LGR5: variants seen among roughly 807,000 people sequenced by gnomAD.
The protein encoded by LGR5 is leucine rich repeat containing G protein-coupled receptor 5.
In LGR5, 54 loss-of-function variants were observed where a neutral mutation model predicts 76.7. The observed-to-expected ratio is 0.70, with a 90% confidence interval of 0.57 to 0.88. The LOEUF (loss-of-function observed/expected upper bound fraction) is 0.88. Among genes scored for constraint, LGR5 ranks in the 40% least tolerant of loss-of-function variants. LGR5 has a pLI of 0.00. For synonymous variants in LGR5, 406 were observed against 421.9 expected, an observed-to-expected ratio of 0.96 and a Z score of 0.46; for missense variants, 1,078 against 1,073.3, an observed-to-expected ratio of 1.00 and a Z score of -0.06.
At chr12:71,515,877 A>G (rs17227194) in intron 2 of LGR5, among the ~76,000 whole-genome samples, 7,639 of 152,320 alleles carry the variant, frequency 0.05, 247 homozygotes, top group Non-Finnish European at 0.074. Context: ...CACTGCTATT[A>G]CATGGCTTCC....
At chr12:71,532,796 ATTTT>A (rs34973486) in intron 3 of LGR5, among the ~76,000 whole-genome samples, 1 of 146,178 alleles carries the variant, frequency 6.8e-6, no homozygotes, top group South Asian at 2.2e-4. Flanking sequence ...TCAAATGAAG[ATTTT>A]TTTTTTTTTT....
intron 1 of LGR5, among the ~76,000 whole-genome samples, chr12:71,492,798 T>C (rs17814943): frequency 0.094 from 13,793 of 146,086 alleles, 889 homozygotes; most frequent in Non-Finnish European, 0.11. Flanking sequence ...AGTTATGATA[T>C]GCATGAAGAG....
chr12:71,528,632 A>G (rs146360770), intron 3 of LGR5, among the ~76,000 whole-genome samples: 1 of 152,332 alleles, frequency 6.6e-6, no homozygotes, highest in African/African-American at 2.4e-5. Context: ...TTTCATCAAC[A>G]AAGTTTGCTT....
At chr12:71,459,214 G>A (rs1872599850) in intron 1 of LGR5, among the ~76,000 whole-genome samples, 1 of 152,098 alleles carries the variant, frequency 6.6e-6, no homozygotes, top group African/African-American at 2.4e-5. Context: ...GCACTCTGCA[G>A]TTGTGTTCTG....
intron 2 of LGR5, 23 bp from the exon 3 acceptor site, chr12:71,524,383 C>T: frequency 6.3e-7 from 1 of 1,577,072 alleles, no homozygotes; most frequent in Non-Finnish European, 8.7e-7. Flanking sequence ...CTCACTCTCT[C>T]TCCTCTCCAT....
chr12:71,521,379 C>A (rs1422070812), intron 2 of LGR5, among the ~76,000 whole-genome samples: 2 of 152,160 alleles, frequency 1.3e-5, no homozygotes, highest in East Asian at 3.9e-4. Context: ...AGCTCAGTTC[C>A]ACAGGGTCAT....
chr12:71,480,185 G>A (rs1450288000), intron 1 of LGR5, among the ~76,000 whole-genome samples: 2 of 151,864 alleles, frequency 1.3e-5, no homozygotes, highest in African/African-American at 4.8e-5. Flanking sequence ...CCAACATGAC[G>A]AAACCCCGTC....
At chr12:71,481,170 C>T (rs749220601) in intron 1 of LGR5, among the ~76,000 whole-genome samples, 2 of 152,128 alleles carry the variant, frequency 1.3e-5, no homozygotes, top group Non-Finnish European at 2.9e-5. Flanking sequence ...TGGTGGTTTG[C>T]TGCACCTATC....
intron 1 of LGR5, among the ~76,000 whole-genome samples, chr12:71,461,853 C>T (rs539139004): frequency 1.3e-5 from 2 of 152,240 alleles, no homozygotes; most frequent in South Asian, 2.1e-4. Flanking sequence ...GGACCACTCT[C>T]CAGCATTGCA....
intron 1 of LGR5, among the ~76,000 whole-genome samples, chr12:71,461,772 C>G (rs1018429613): frequency 1.3e-5 from 2 of 152,128 alleles, no homozygotes; most frequent in African/African-American, 4.8e-5. Flanking sequence ...TTAAATCACT[C>G]TGTCTTAAAT....
At chr12:71,488,004 T>C (rs1873909593) in intron 1 of LGR5, among the ~76,000 whole-genome samples, 1 of 152,196 alleles carries the variant, frequency 6.6e-6, no homozygotes, top group Non-Finnish European at 1.5e-5. Flanking sequence ...ACCAAGCTTT[T>C]TTAGAAAGCC....
intron 13 of LGR5, among the ~76,000 whole-genome samples, chr12:71,575,603 C>T (rs1165379052): frequency 6.6e-5 from 10 of 151,906 alleles, no homozygotes; most frequent in Non-Finnish European, 1.3e-4. Context: ...CCCAGCTACT[C>T]GGGAGGCTGA....
chr12:71,461,414 A>G (rs1306201572), intron 1 of LGR5, among the ~76,000 whole-genome samples: 1 of 152,172 alleles, frequency 6.6e-6, no homozygotes, highest in African/African-American at 2.4e-5. Flanking sequence ...AAATTTGCTA[A>G]CTTGGCATTT....
intron 17 of LGR5, 193 bp from the exon 18 acceptor site, chr12:71,583,454 C>T: frequency 1.6e-6 from 1 of 626,840 alleles, no homozygotes. Context: ...GGTGTACTCA[C>T]CCAGCCAGTG....
At chr12:71,564,582 T>C (rs559846082) in intron 8 of LGR5, among the ~76,000 whole-genome samples, 9 of 138,536 alleles carry the variant, frequency 6.5e-5, no homozygotes, top group African/African-American at 2.2e-4. Context: ...TATGCATATA[T>C]ACGTATCTGT....
At chr12:71,454,829 C>T (rs2137216140) in intron 1 of LGR5, among the ~76,000 whole-genome samples, 1 of 148,628 alleles carries the variant, frequency 6.7e-6, no homozygotes, top group East Asian at 1.9e-4. Flanking sequence ...TCTGCATATA[C>T]ACAAAAGAAC....
At chr12:71,552,117 G>A (rs1592537719) in intron 4 of LGR5, among the ~76,000 whole-genome samples, 1 of 151,876 alleles carries the variant, frequency 6.6e-6, no homozygotes, top group African/African-American at 2.4e-5. Context: ...AGAGCATTAG[G>A]ACAAATACCT....
intron 2 of LGR5, among the ~76,000 whole-genome samples, chr12:71,523,754 G>A (rs1369800061): frequency 6.6e-6 from 1 of 152,094 alleles, no homozygotes; most frequent in African/African-American, 2.4e-5. Flanking sequence ...ATATTATAAA[G>A]TAAACTTCTA....
At chr12:71,572,373 C>T (rs532496267) in intron 12 of LGR5, among the ~76,000 whole-genome samples, 12 of 152,298 alleles carry the variant, frequency 7.9e-5, no homozygotes, top group African/African-American at 2.6e-4. Context: ...TGAGCCACCG[C>T]GCCCGGCCAA....
Sources: gnomAD v4.1 joint callset for allele counts (sites outside exome capture counted in the v4.1 genomes callset) on GRCh38, gnomAD v4.1.1 for gene constraint, MANE v1.5 for transcripts, NCBI Gene and HGNC (gene_info 2026-07-23, HGNC 2026-07-21) for gene names.